Variants in CFAP54 observed in about 807,000 individuals in gnomAD.
CFAP54 encodes cilia- and flagella-associated protein 54.
In CFAP54, 290 loss-of-function variants were observed where a neutral mutation model predicts 370.4. That is an observed-to-expected ratio of 0.78 (90% CI 0.71 to 0.86). The LOEUF is 0.86. Ranked by LOEUF, CFAP54 falls within the 40% of genes least tolerant of loss-of-function variation. The pLI, the probability that CFAP54 is intolerant of heterozygous loss-of-function variation, is 0.00. For synonymous variants in CFAP54, 1,206 were observed against 1,236.5 expected (o/e 0.98, Z 0.52); for missense variants, 3,399 against 3,528.7 (o/e 0.96, Z 0.93).
intron 50 of CFAP54, among the ~76,000 whole-genome samples, chr12:96,728,167 T>C (rs1201173343): frequency 2.0e-5 from 3 of 152,096 alleles, no homozygotes; most frequent in African/African-American, 7.2e-5. Flanking sequence ...GGAGTTGCTC[T>C]TCTCGAGGAG....
At chr12:96,575,850 A>G (rs1432507821) in intron 19 of CFAP54, among the ~76,000 whole-genome samples, 2 of 152,060 alleles carry the variant, frequency 1.3e-5, no homozygotes, top group African/African-American at 2.4e-5. Context: ...TTCTTTATCA[A>G]CACTTTAATT....
chr12:96,510,218 C>T (rs141207592), intron 4 of CFAP54, among the ~76,000 whole-genome samples: 2,442 of 149,748 alleles, frequency 0.016, 70 homozygotes, highest in African/African-American at 0.057. Context: ...ATGCCACTTC[C>T]CTCCAGCCTG....
At chr12:96,667,211 C>G (rs1352180804) in intron 39 of CFAP54, among the ~76,000 whole-genome samples, 1 of 152,144 alleles carries the variant, frequency 6.6e-6, no homozygotes, top group African/African-American at 2.4e-5. Flanking sequence ...TCTGTGCACA[C>G]AGTGCAAGCT....
intron 26 of CFAP54, among the ~76,000 whole-genome samples, chr12:96,606,039 G>A (rs1457704597): frequency 1.0e-5 from 1 of 99,464 alleles, no homozygotes; most frequent in Non-Finnish European, 2.1e-5. Context: ...CACAGAGCTT[G>A]TGATTTAGTG....
intron 58 of CFAP54, among the ~76,000 whole-genome samples, chr12:96,759,745 C>G (rs1048881047): frequency 6.6e-6 from 1 of 152,164 alleles, no homozygotes; most frequent in Non-Finnish European, 1.5e-5. Context: ...TGACTGAGGT[C>G]TTTCTAAGCC....
At chr12:96,559,635 A>G (rs1233792760) in intron 17 of CFAP54, among the ~76,000 whole-genome samples, 1 of 152,136 alleles carries the variant, frequency 6.6e-6, no homozygotes, top group East Asian at 1.9e-4. Context: ...GTATATACCT[A>G]TTATATCAAT....
intron 5 of CFAP54, among the ~76,000 whole-genome samples, 168 bp from the exon 6 acceptor site, chr12:96,518,760 A>G (rs1269598256): frequency 1.3e-5 from 2 of 152,176 alleles, no homozygotes; most frequent in Non-Finnish European, 2.9e-5. Context: ...CTTTTAAATT[A>G]TCTTTTACTT....
chr12:96,558,584 T>G (rs766636036), intron 17 of CFAP54, among the ~76,000 whole-genome samples: 1 of 151,850 alleles, frequency 6.6e-6, no homozygotes, highest in Non-Finnish European at 1.5e-5. Context: ...AGAAACAAAT[T>G]CACACACCTA....
chr12:96,684,988 T>C (rs765121691), intron 41 of CFAP54, 41 bp from the exon 42 acceptor site: 3 of 1,583,702 alleles, frequency 1.9e-6, no homozygotes, highest in Admixed American at 3.4e-5. Flanking sequence ...TAATAATGGG[T>C]CTCAGAAAAC....
At chr12:96,745,049 A>G (rs1958097873) in intron 55 of CFAP54, among the ~76,000 whole-genome samples, 1 of 152,148 alleles carries the variant, frequency 6.6e-6, no homozygotes, top group Non-Finnish European at 1.5e-5. Flanking sequence ...ATAATATTCC[A>G]TGGTGTATAT....
intron 55 of CFAP54, among the ~76,000 whole-genome samples, chr12:96,745,879 A>G (rs139239490): frequency 1.3e-3 from 200 of 152,320 alleles, no homozygotes; most frequent in Non-Finnish European, 2.2e-3. Flanking sequence ...GTTCCTTCAC[A>G]ATACTCTAGT....
Position 96,647,862 on chromosome 12 carries a change from T to A in CFAP54, c.4548-13T>A. On this transcript the variant is annotated splice_polypyrimidine_tract_variant and intron_variant, in intron 33 of 67. Coordinates refer to ENST00000524981, the MANE Select transcript of CFAP54 (RefSeq NM_001306084.2). The stretch of plus-strand genomic sequence containing the variant: ...TTATATTGTTTTTTAATATGATTTT[T>A]CCCCCCTTGCAGTTTCCGATCATGT... 3 of 1,487,594 alleles carry A rather than the reference T, an allele frequency of 2.0e-6. No individual in the cohort carries two copies. Among genetic ancestry groups the A allele is most frequent in the Non-Finnish European group, 2.7e-6 (3 of 1,129,552 alleles). 92.1% of individuals were successfully genotyped at this position (1,487,594 alleles called of 1,614,324 possible).
intron 50 of CFAP54, among the ~76,000 whole-genome samples, chr12:96,721,951 G>A (rs1415712130): frequency 6.6e-6 from 1 of 152,184 alleles, no homozygotes; most frequent in Non-Finnish European, 1.5e-5. Context: ...GTTGTAATAA[G>A]TGTGACTCCA....
chr12:96,527,438 T>C lies in CFAP54; in HGVS notation c.1351T>C (p.Leu451=), dbSNP rs1039492711. The C allele has an allele frequency of 6.6e-7, 1 of 1,513,330 alleles. No individual in the cohort carries two copies. Among genetic ancestry groups the C allele is most frequent in the African/African-American group, 1.4e-5 (1 of 72,380 alleles). The allele number at this position is 1,513,330 out of a possible 1,614,324, so 93.7% of individuals were successfully genotyped here. Residue 451 remains leucine, a synonymous_variant, in exon 9 of 68, where the codon TTG becomes CTG. Coordinates refer to ENST00000524981, the MANE Select transcript of CFAP54 (RefSeq NM_001306084.2). ...ATTGTTTATGGCAGGAAAAGAACTT[T>C]TGATAAGTAAATAAGATGTTAAGAT... The part of the protein sequence containing the change: ...SELFMAGKEL[L]IMSNIGADGM...
chr12:96,715,605 G>T (rs1232068190), intron 48 of CFAP54, among the ~76,000 whole-genome samples: 1 of 152,090 alleles, frequency 6.6e-6, no homozygotes, highest in Non-Finnish European at 1.5e-5. Flanking sequence ...ACTTTTGTCT[G>T]TTAAGGTCAT....
At chr12:96,663,975 G>A (rs549914097) in intron 39 of CFAP54, 43 bp downstream of exon 39, 6 of 1,445,390 alleles carry the variant, frequency 4.2e-6, no homozygotes, top group Middle Eastern at 1.7e-4. Flanking sequence ...TCTCTAAATC[G>A]AGGTTTGCCA....
intron 67 of CFAP54, among the ~76,000 whole-genome samples, chr12:96,866,621 T>C (rs540639092): frequency 9.2e-5 from 14 of 152,264 alleles, no homozygotes; most frequent in South Asian, 4.1e-4. Context: ...AATTCAAAGA[T>C]TTCTAAGTAG....
chr12:96,617,792 C>T (rs1204766017), intron 26 of CFAP54, among the ~76,000 whole-genome samples: 1 of 152,054 alleles, frequency 6.6e-6, no homozygotes, highest in Admixed American at 6.5e-5. Flanking sequence ...AGATCAAGAC[C>T]ATCCTGGCTA....
At chr12:96,568,228 T>C (rs534014799) in intron 19 of CFAP54, among the ~76,000 whole-genome samples, 3 of 152,158 alleles carry the variant, frequency 2.0e-5, no homozygotes, top group African/African-American at 7.2e-5. Flanking sequence ...TTTTGTTTTC[T>C]TTTTTAAAAA....
Sources: allele counts gnomAD v4.1 joint callset (sites outside exome capture counted in the v4.1 genomes callset), GRCh38; gene constraint gnomAD v4.1.1; transcripts MANE v1.5; gene names NCBI Gene and HGNC (gene_info 2026-07-23, HGNC 2026-07-21).